The following KIAA1217 variants were observed in gnomAD, a reference collection of about 807,000 sequenced individuals.
KIAA1217 encodes the protein sickle tail protein homolog.
Under a neutral mutation model 163.9 loss-of-function variants are expected in KIAA1217, and 88 were observed. The ratio of observed to expected loss-of-function variants is 0.54; its 90% CI spans 0.45 to 0.64. The LOEUF (loss-of-function observed/expected upper bound fraction) is 0.64. KIAA1217 is among the 30% of genes least tolerant of loss of function. The probability of loss-of-function intolerance (pLI) is 0.00; values close to 1 mark genes in which losing one functional copy is unlikely to be tolerated. For missense variants in KIAA1217, 2,372 were observed against 2,475.0 expected (o/e 0.96, Z 0.88); for synonymous variants, 903 against 923.1 (o/e 0.98, Z 0.39).
intron 1 of KIAA1217, among the ~76,000 whole-genome samples, chr10:23,966,087 G>A (rs1564571453): frequency 6.6e-6 from 1 of 152,130 alleles, no homozygotes; most frequent in Non-Finnish European, 1.5e-5. Flanking sequence ...ATGAGTGTGT[G>A]GGCTGTGCAG....
intron 2 of KIAA1217, among the ~76,000 whole-genome samples, chr10:24,079,902 C>T (rs1711514372): frequency 1.3e-5 from 2 of 152,174 alleles, no homozygotes; most frequent in African/African-American, 2.4e-5. Flanking sequence ...GGTCCTTAAA[C>T]CACAACATCC....
chr10:24,065,448 C>T (rs1164181295), intron 2 of KIAA1217, among the ~76,000 whole-genome samples: 34 of 152,086 alleles, frequency 2.2e-4, no homozygotes, highest in African/African-American at 5.1e-4. Flanking sequence ...TGTAGTTGAG[C>T]GGTTTTGAGT....
Position 24,544,477 on chromosome 10 carries a change from G to T in KIAA1217, c.5207G>T (p.Arg1736Leu). Reference protein sequence around the residue: ...EPPTSIPSASRKGSSGAPQTS... With the variant: ...EPPTSIPSASLKGSSGAPQTS... ...CCTACGTCGATACCTTCAGCTTCAC[G>T]TAAGGTATCTTGGTCTGCTGGAAAA... is the stretch of plus-strand genomic sequence containing the variant. The change falls in exon 19 of 21, where the codon CGT becomes CTT. Residue 1736 changes from arginine to leucine, a missense_variant. By Grantham distance (102) the Arg-to-Leu change is moderately radical. Coordinates refer to ENST00000376454, the MANE Select transcript of KIAA1217 (RefSeq NM_019590.5). 1 of 1,608,206 alleles carries T rather than the reference G, an allele frequency of 6.2e-7. No individual in the cohort carries two copies. The highest frequency in any genetic ancestry group is 8.5e-7 in the Non-Finnish European group (1 of 1,176,588).
chr10:24,018,568 AAAT>A (rs1331467805), intron 2 of KIAA1217, among the ~76,000 whole-genome samples: 27 of 148,276 alleles, frequency 1.8e-4, no homozygotes, highest in Admixed American at 1.1e-3. Context: ...TAATAATAAA[AAAT>A]AATAATAATA....
intron 1 of KIAA1217, among the ~76,000 whole-genome samples, chr10:23,704,190 A>ATATATATATG (rs1564351791): frequency 8.3e-6 from 1 of 120,782 alleles, no homozygotes; most frequent in African/African-American, 3.3e-5. Context: ...ATATATATAT[A>ATATATATATG]TATATATATA....
chr10:24,057,208 C>G (rs1332902950), intron 2 of KIAA1217, among the ~76,000 whole-genome samples: 1 of 152,176 alleles, frequency 6.6e-6, no homozygotes, highest in African/African-American at 2.4e-5. Flanking sequence ...GATCTTGCCA[C>G]TGCACTCCAG....
At position 24,380,896 on chromosome 10, in the gene KIAA1217, C is replaced by A; in HGVS notation, c.382C>A (p.Pro128Thr). The A allele has an allele frequency of 1.3e-6, 2 of 1,589,162 alleles. No homozygotes were observed. Among genetic ancestry groups the A allele is most frequent in the Non-Finnish European group, 1.7e-6 (2 of 1,166,478 alleles). ...QTRSPKLSHS[P>T]QPPSLGDPVE... The stretch of plus-strand genomic sequence containing the variant: ...AAGGAGCCCCAAACTGTCTCACAGT[C>A]CTCAACCACCCAGTCTGGGTGACCC... The change falls in exon 3 of 21, where the codon CCT (proline) becomes ACT (threonine). Residue 128 changes from proline (P) to threonine (T), a missense_variant. By Grantham distance (38) the Pro-to-Thr change is conservative. Transcript: ENST00000376454.
chr10:24,058,989 A>T (rs1043041366), intron 2 of KIAA1217, among the ~76,000 whole-genome samples: 16 of 152,156 alleles, frequency 1.1e-4, no homozygotes, highest in Non-Finnish European at 2.1e-4. Flanking sequence ...TCAAGTTTTC[A>T]CCATTGAGTA....
intron 1 of KIAA1217, among the ~76,000 whole-genome samples, chr10:23,988,132 T>C (rs1159454269): frequency 1.3e-5 from 2 of 152,006 alleles, no homozygotes; most frequent in African/African-American, 2.4e-5. Context: ...TTGCCATCTG[T>C]CGCAGGGGCT....
At chr10:23,771,246 T>G (rs551110856) in intron 1 of KIAA1217, among the ~76,000 whole-genome samples, 12 of 152,322 alleles carry the variant, frequency 7.9e-5, no homozygotes, top group African/African-American at 2.6e-4. Context: ...CAGTGAATAT[T>G]AGAACCTACT....
intron 1 of KIAA1217, among the ~76,000 whole-genome samples, chr10:23,970,048 T>C (rs550939948): frequency 7.9e-5 from 12 of 152,232 alleles, no homozygotes; most frequent in Non-Finnish European, 1.6e-4. Context: ...CCCCCGTGAT[T>C]CGATTATCTC....
At chr10:23,752,953 G>T (rs972352091) in intron 1 of KIAA1217, among the ~76,000 whole-genome samples, 2 of 152,180 alleles carry the variant, frequency 1.3e-5, no homozygotes, top group African/African-American at 2.4e-5. Context: ...CACAGAAGGA[G>T]TTGAGGCACA....
At chr10:24,298,682 C>T (rs2040920620) in intron 2 of KIAA1217, among the ~76,000 whole-genome samples, 1 of 152,068 alleles carries the variant, frequency 6.6e-6, no homozygotes, top group Non-Finnish European at 1.5e-5. Flanking sequence ...CTTATAGTCT[C>T]AGCTACTCAG....
At chr10:24,444,310 C>T (rs1371543376) in intron 5 of KIAA1217, among the ~76,000 whole-genome samples, 1 of 152,158 alleles carries the variant, frequency 6.6e-6, no homozygotes, top group Non-Finnish European at 1.5e-5. Context: ...CCATGCCCAG[C>T]CCATAATAAA....
intron 2 of KIAA1217, among the ~76,000 whole-genome samples, chr10:24,160,746 C>A (rs540716600): frequency 1.3e-5 from 2 of 152,232 alleles, no homozygotes; most frequent in Non-Finnish European, 2.9e-5. Context: ...GCAAAAGCAG[C>A]TGAATAAATT....
intron 2 of KIAA1217, among the ~76,000 whole-genome samples, chr10:24,360,163 C>T (rs570460781): frequency 6.7e-6 from 1 of 148,710 alleles, no homozygotes; most frequent in Admixed American, 6.8e-5. Context: ...TCTTGTGCCT[C>T]AGCTTCCCGA....
chr10:24,332,855 G>A (rs914414897), intron 2 of KIAA1217, among the ~76,000 whole-genome samples: 1 of 152,100 alleles, frequency 6.6e-6, no homozygotes, highest in Non-Finnish European at 1.5e-5. Context: ...CTGCAAGATG[G>A]CAGGAAACAC....
At chr10:24,516,363 C>T (rs1322400214) in intron 10 of KIAA1217, among the ~76,000 whole-genome samples, 3 of 152,246 alleles carry the variant, frequency 2.0e-5, no homozygotes, top group Admixed American at 1.3e-4. Context: ...TCAGGCCTCA[C>T]ATACCTGCTT....
chr10:23,700,958 G>T (rs936418471), intron 1 of KIAA1217, among the ~76,000 whole-genome samples: 1 of 151,988 alleles, frequency 6.6e-6, no homozygotes, highest in Non-Finnish European at 1.5e-5. Flanking sequence ...ATCCCTAGTG[G>T]CTAGAACAAT....
Sources: allele counts gnomAD v4.1 joint callset (sites outside exome capture counted in the v4.1 genomes callset), GRCh38; gene constraint gnomAD v4.1.1; transcripts MANE v1.5; gene names NCBI Gene and HGNC (gene_info 2026-07-23, HGNC 2026-07-21).